AP3B1: variants seen among roughly 807,000 people sequenced by gnomAD.
AP3B1 encodes the protein adaptor related protein complex 3 subunit beta 1, also known as AP-3 complex subunit beta-1.
A neutral mutation model predicts 132.5 loss-of-function variants in AP3B1; 61 were observed. That is an observed-to-expected ratio of 0.46 (90% CI 0.37 to 0.57). The LOEUF (loss-of-function observed/expected upper bound fraction) is 0.57, where lower values mean the gene tolerates loss of function less well. AP3B1 is among the 20% of genes least tolerant of loss of function. The pLI, the probability that AP3B1 is intolerant of heterozygous loss-of-function variation, is 0.00. For synonymous variants in AP3B1, 388 were observed against 438.3 expected (o/e 0.89, Z 1.43); for missense variants, 1,120 against 1,289.4 (o/e 0.87, Z 2.01).
At chr5:78,163,072 AAT>A in intron 12 of AP3B1, 121 bp from the exon 13 acceptor site, 1 of 904,260 alleles carries the variant, frequency 1.1e-6, no homozygotes, top group Non-Finnish European at 1.8e-6. Flanking sequence ...TCATAAGCAC[AAT>A]ATGAGGACCA....
chr5:78,060,293 A>G (rs1748987693), intron 22 of AP3B1, among the ~76,000 whole-genome samples: 1 of 152,236 alleles, frequency 6.6e-6, no homozygotes, highest in South Asian at 2.1e-4. Flanking sequence ...ATACAGGTGC[A>G]CCAGTGAACG....
chr5:78,223,635 C>A (rs1190257266), intron 6 of AP3B1, among the ~76,000 whole-genome samples: 1 of 152,024 alleles, frequency 6.6e-6, no homozygotes. Context: ...GTACTTATTT[C>A]TTATTTGGAA....
intron 22 of AP3B1, among the ~76,000 whole-genome samples, chr5:78,083,697 A>G (rs1484461767): frequency 6.6e-6 from 1 of 152,220 alleles, no homozygotes; most frequent in Non-Finnish European, 1.5e-5. Context: ...TGTGTTTATA[A>G]ATAATATTTA....
chr5:78,126,745 T>C (rs933263311), intron 17 of AP3B1, among the ~76,000 whole-genome samples: 12 of 152,146 alleles, frequency 7.9e-5, no homozygotes. Flanking sequence ...ATAATACAGA[T>C]TTGTGAACAA....
intron 22 of AP3B1, among the ~76,000 whole-genome samples, chr5:78,075,451 T>C (rs1224590172): frequency 6.6e-6 from 1 of 152,222 alleles, no homozygotes; most frequent in African/African-American, 2.4e-5. Context: ...AAGAGTCTTC[T>C]GTTTCCCAGT....
chr5:78,014,410 C>A (rs1212142939), intron 26 of AP3B1, among the ~76,000 whole-genome samples: 2 of 152,084 alleles, frequency 1.3e-5, no homozygotes, highest in African/African-American at 4.8e-5. Flanking sequence ...TCCTGCCACC[C>A]ATTTCCAAAC....
intron 6 of AP3B1, chr5:78,222,184 C>T (rs942233867): frequency 6.6e-6 from 1 of 152,418 alleles, no homozygotes; most frequent in Admixed American, 6.6e-5. Context: ...TTGGTGCTGT[C>T]ATGGCCAGTC....
Position 78,034,432 on chromosome 5 carries a change from A to G in AP3B1, c.2823T>C (p.Pro941=), listed in dbSNP as rs1747711727. Residue 941 remains proline (P), a synonymous_variant, in exon 24 of 27, where the codon CCT becomes CCC. Coordinates refer to ENST00000255194, the MANE Select transcript of AP3B1 (RefSeq NM_003664.5). ...HVFNPIDSLE[P]EGSITVSMGI... ...CCATTGAAACTGTAATGGATCCCTC[A>G]GGCTCAAGAGAGTCTAGGAAATAAG... 6.2e-7 allele frequency: 1 copy of G among 1,609,806 alleles called. No homozygotes were observed. The highest frequency in any genetic ancestry group is 1.3e-5 in the African/African-American group (1 of 74,830).
chr5:78,066,993 G>A (rs1385073582), intron 22 of AP3B1, among the ~76,000 whole-genome samples: 2 of 152,168 alleles, frequency 1.3e-5, no homozygotes, highest in Non-Finnish European at 2.9e-5. Context: ...AGCCAGAAGA[G>A]AATGGAGGCC....
At chr5:78,013,900 A>C (rs1018574373) in intron 26 of AP3B1, among the ~76,000 whole-genome samples, 6 of 152,214 alleles carry the variant, frequency 3.9e-5, no homozygotes, top group African/African-American at 1.4e-4. Context: ...GCGGTGGCTC[A>C]TGCCTGTAAT....
chr5:78,175,550 C>T, intron 11 of AP3B1, 76 bp downstream of exon 11: 1 of 1,130,490 alleles, frequency 8.8e-7, no homozygotes, highest in South Asian at 1.3e-5. Context: ...CTGCATCCCA[C>T]AGGTGCTAAA....
At chr5:78,157,856 TCTC>T (rs1405825201) in intron 13 of AP3B1, among the ~76,000 whole-genome samples, 1 of 152,106 alleles carries the variant, frequency 6.6e-6, no homozygotes, top group Non-Finnish European at 1.5e-5. Flanking sequence ...TTCAAGCAGT[TCTC>T]CTGCCACAGC....
At chr5:78,054,487 TC>T (rs1314554534) in intron 22 of AP3B1, among the ~76,000 whole-genome samples, 2 of 149,166 alleles carry the variant, frequency 1.3e-5, no homozygotes, top group Non-Finnish European at 3.0e-5. Flanking sequence ...ACACAAACAA[TC>T]TTGGTAGTAA....
At chr5:78,212,793 G>A (rs2112471504) in intron 7 of AP3B1, among the ~76,000 whole-genome samples, 1 of 152,300 alleles carries the variant, frequency 6.6e-6, no homozygotes, top group African/African-American at 2.4e-5. Context: ...ACATAAGAAA[G>A]AGCAAGCAAA....
chr5:78,095,350 T>G (rs1750726493), intron 21 of AP3B1, among the ~76,000 whole-genome samples: 1 of 152,232 alleles, frequency 6.6e-6, no homozygotes, highest in African/African-American at 2.4e-5. Context: ...AGGGAATGTG[T>G]CTGGCCTTCT....
chr5:78,059,920 G>C (rs1436708741), intron 22 of AP3B1, among the ~76,000 whole-genome samples: 1 of 152,050 alleles, frequency 6.6e-6, no homozygotes. Context: ...ATTATTATTA[G>C]AAGTAGTAGT....
intron 2 of AP3B1, among the ~76,000 whole-genome samples, chr5:78,249,946 C>T (rs1263542379): frequency 6.6e-6 from 1 of 152,118 alleles, no homozygotes; most frequent in Non-Finnish European, 1.5e-5. Context: ...CACCATTCTG[C>T]TATTGCATCA....
At chr5:78,200,570 G>A (rs1257707041) in intron 7 of AP3B1, among the ~76,000 whole-genome samples, 1 of 152,024 alleles carries the variant, frequency 6.6e-6, no homozygotes, top group Non-Finnish European at 1.5e-5. Context: ...GAGATAGGAG[G>A]ATCACTTGGT....
intron 21 of AP3B1, among the ~76,000 whole-genome samples, chr5:78,094,485 C>T (rs987959499): frequency 6.6e-6 from 1 of 152,152 alleles, no homozygotes; most frequent in African/African-American, 2.4e-5. Context: ...ATTCCCTCAA[C>T]AGATATAATA....
Sources: allele counts gnomAD v4.1 joint callset (sites outside exome capture counted in the v4.1 genomes callset), GRCh38; gene constraint gnomAD v4.1.1; transcripts MANE v1.5; gene names NCBI Gene and HGNC (gene_info 2026-07-23, HGNC 2026-07-21).